GNAT3: variants seen among roughly 807,000 people sequenced by gnomAD.
GNAT3 encodes the protein guanine nucleotide-binding protein G(t) subunit alpha-3.
A neutral mutation model predicts 37.7 loss-of-function variants in GNAT3; 31 were observed. The observed-to-expected ratio is 0.82, with a 90% CI of 0.62 to 1.11. GNAT3 has a LOEUF of 1.11. Ranked by LOEUF, GNAT3 falls within the 50% of genes most tolerant of loss-of-function variation. The pLI is 0.00. For synonymous variants in GNAT3, 138 were observed against 139.8 expected (o/e 0.99, Z 0.09); for missense variants, 437 against 412.5 (o/e 1.06, Z -0.51).
intron 1 of GNAT3, among the ~76,000 whole-genome samples, chr7:80,508,222 A>G (rs951933559): frequency 1.3e-5 from 2 of 150,968 alleles, no homozygotes; most frequent in African/African-American, 2.4e-5. Context: ...TTTTTTTCCT[A>G]TGCTTTCCAT....
At chr7:80,468,297 A>G (rs1285555763) in intron 5 of GNAT3, among the ~76,000 whole-genome samples, 1 of 152,060 alleles carries the variant, frequency 6.6e-6, no homozygotes, top group Non-Finnish European at 1.5e-5. Context: ...ATAGATTATT[A>G]TAATATAATC....
intron 2 of GNAT3, among the ~76,000 whole-genome samples, chr7:80,491,291 G>T (rs1283998954): frequency 1.3e-5 from 2 of 152,132 alleles, no homozygotes; most frequent in African/African-American, 4.8e-5. Flanking sequence ...TAATTTTAGG[G>T]CGATAGAGGC....
At chr7:80,494,774 G>A (rs1790684445) in intron 1 of GNAT3, 127 bp from the exon 2 acceptor site, 2 of 610,426 alleles carry the variant, frequency 3.3e-6, no homozygotes, top group African/African-American at 1.9e-5. Context: ...GTGCAGTTTT[G>A]TTACATGGAT....
intron 7 of GNAT3, among the ~76,000 whole-genome samples, chr7:80,461,638 G>C (rs1790052103): frequency 6.6e-6 from 1 of 151,980 alleles, no homozygotes; most frequent in South Asian, 2.1e-4. Flanking sequence ...CAGCCCTTCT[G>C]TGGGATTTCA....
rs112342029 is a variant in GNAT3 at position 80,478,190 on chromosome 7, C to A, written c.461+651G>T. Among the ~76,000 whole-genome samples the A allele has an allele frequency of 3.3e-3, 503 of 152,272 alleles. 2 individuals carry two copies. The highest frequency in any genetic ancestry group is 0.012 in the African/African-American group (487 of 41,558). ...CCTCCCAAAGTGCTGGGATTACAGGCGTGAGCCACTGTGCCCAGCACTAAA... is the reference window on the plus strand; with the variant it reads ...CCTCCCAAAGTGCTGGGATTACAGGAGTGAGCCACTGTGCCCAGCACTAAA... On this transcript the variant is annotated intron_variant, in intron 4 of 7. Transcript: ENST00000398291.
rs141439972 is a variant in GNAT3, at chr7:80,510,834, A to C, written c.118+975T>G. Among the ~76,000 whole-genome samples, 353 of 152,306 alleles carry C rather than the reference A, an allele frequency of 2.3e-3. 4 individuals carry two copies. Among genetic ancestry groups the C allele is most frequent in the African/African-American group, 8.2e-3 (339 of 41,576 alleles). On this transcript the variant is annotated intron_variant, in intron 1 of 7. Coordinates refer to ENST00000398291, the MANE Select transcript of GNAT3 (RefSeq NM_001102386.3). Reference sequence around the variant, plus strand: ...TTAAATAAGTTTAAGTATTTAATTCATTTAATATTAAGTATTTAAGTGTTT... The same window carrying C: ...TTAAATAAGTTTAAGTATTTAATTCCTTTAATATTAAGTATTTAAGTGTTT...
At chr7:80,506,373 T>C (rs1790940830) in intron 1 of GNAT3, among the ~76,000 whole-genome samples, 1 of 152,182 alleles carries the variant, frequency 6.6e-6, no homozygotes, top group African/African-American at 2.4e-5. Flanking sequence ...TTTTAAGATG[T>C]GCTGATCAAT....
At chr7:80,468,550 T>C (rs1024572149) in intron 5 of GNAT3, among the ~76,000 whole-genome samples, 5 of 152,124 alleles carry the variant, frequency 3.3e-5, no homozygotes, top group Non-Finnish European at 7.4e-5. Flanking sequence ...TTAGTCTCTA[T>C]CGCAGTTGTT....
At chr7:80,491,383 T>G (rs1423047181) in intron 2 of GNAT3, among the ~76,000 whole-genome samples, 3 of 152,160 alleles carry the variant, frequency 2.0e-5, no homozygotes, top group Non-Finnish European at 4.4e-5. Flanking sequence ...CCTCTCTAGT[T>G]TAGACAAAGT....
chr7:80,462,198 T>C lies in GNAT3; in HGVS notation c.835A>G (p.Thr279Ala). Residue 279 changes from threonine to alanine, a missense_variant, in exon 7 of 8, where the codon ACC becomes GCC. Transcript: ENST00000398291. The part of the protein sequence containing the change: ...NKKDIFQEKV[T>A]KVHLSICFPE... ...AAGCAGATACTAAGATGCACCTTGG[T>C]TACCTTTTCTTGAAAGATATCTTTT... 6.3e-7 allele frequency: 1 copy of C among 1,593,390 alleles called. No homozygotes were observed. The highest frequency in any genetic ancestry group is 8.6e-7 in the Non-Finnish European group (1 of 1,168,362).
At chr7:80,490,640 G>A (rs2116196347) in intron 2 of GNAT3, among the ~76,000 whole-genome samples, 1 of 152,256 alleles carries the variant, frequency 6.6e-6, no homozygotes, top group Non-Finnish European at 1.5e-5. Flanking sequence ...ATTTTCAAGT[G>A]TTCAATATGT....
At chr7:80,480,575 T>C (rs1173716789) in intron 3 of GNAT3, among the ~76,000 whole-genome samples, 1 of 152,108 alleles carries the variant, frequency 6.6e-6, no homozygotes, top group African/African-American at 2.4e-5. Context: ...CTACTCCATA[T>C]ACAGAGCAGC....
chr7:80,460,987 T>C (rs1390843742), intron 7 of GNAT3, among the ~76,000 whole-genome samples: 2 of 149,220 alleles, frequency 1.3e-5, no homozygotes, highest in Admixed American at 6.8e-5. Flanking sequence ...ATATATATAA[T>C]ATAAAACCTT....
chr7:80,499,701 T>C (rs754447605), intron 1 of GNAT3, among the ~76,000 whole-genome samples: 2 of 152,176 alleles, frequency 1.3e-5, no homozygotes, highest in Non-Finnish European at 2.9e-5. Flanking sequence ...TGGAGTGACA[T>C]CAAAATTCTC....
In GNAT3 at chr7:80,484,758, C is replaced by T. The variant is rs191704077; in HGVS notation, c.303+3777G>A. ...TTTCAAGTTCTATGCTTAGGAAATTCTAAGCCTATCAAATACTAAACCACA... is the reference window on the plus strand; with the variant it reads ...TTTCAAGTTCTATGCTTAGGAAATTTTAAGCCTATCAAATACTAAACCACA... On this transcript the variant is annotated intron_variant, in intron 3 of 7. Transcript: ENST00000398291. 6.3e-4 allele frequency among the ~76,000 whole-genome samples: 96 copies of T among 152,054 alleles called. 1 individual carries two copies. The highest frequency in any genetic ancestry group is 2.2e-3 in the African/African-American group (92 of 41,522).
chr7:80,497,566 G>GTATATACATATACA (rs1790742937), intron 1 of GNAT3, among the ~76,000 whole-genome samples: 1 of 136,658 alleles, frequency 7.3e-6, no homozygotes, highest in Non-Finnish European at 1.6e-5. Context: ...ATACATATAC[G>GTATATACATATACA]TATATACATA....
chr7:80,482,580 C>G (rs1165222305), intron 3 of GNAT3, among the ~76,000 whole-genome samples: 3 of 151,646 alleles, frequency 2.0e-5, no homozygotes, highest in African/African-American at 7.3e-5. Flanking sequence ...GTGGCACAAC[C>G]TAGGCTCACT....
chr7:80,492,409 C>G (rs192314665), intron 2 of GNAT3, among the ~76,000 whole-genome samples: 1 of 151,564 alleles, frequency 6.6e-6, no homozygotes, highest in African/African-American at 2.4e-5. Flanking sequence ...AATTTTGTAA[C>G]CTGTTTTTTT....
chr7:80,488,452 A>G, intron 3 of GNAT3, 83 bp downstream of exon 3: 1 of 1,037,470 alleles, frequency 9.6e-7, no homozygotes, highest in Non-Finnish European at 1.4e-6. Flanking sequence ...ATATAGATTA[A>G]TACTATGAAC....
Sources: allele counts gnomAD v4.1 joint callset (sites outside exome capture counted in the v4.1 genomes callset), GRCh38; gene constraint gnomAD v4.1.1; transcripts MANE v1.5; gene names NCBI Gene and HGNC (gene_info 2026-07-23, HGNC 2026-07-21).